The following PLA2G4B variants were observed in gnomAD, a reference collection of about 807,000 sequenced individuals.
PLA2G4B encodes the protein cytosolic phospholipase A2 beta.
PLA2G4B carries 122 observed loss-of-function variants against 95.8 expected under a neutral mutation model. That is an observed-to-expected ratio of 1.27 (90% CI 1.10 to 1.48). The LOEUF (loss-of-function observed/expected upper bound fraction) is 1.48. Among genes scored for constraint, PLA2G4B ranks in the 40% most tolerant of loss-of-function variants. The probability of loss-of-function intolerance (pLI) is 0.00; values close to 1 mark genes in which losing one functional copy is unlikely to be tolerated. For missense variants in PLA2G4B, 1,158 were observed against 996.2 expected, an observed-to-expected ratio of 1.16 and a Z score of -2.19; for synonymous variants, 518 against 421.5, an observed-to-expected ratio of 1.23 and a Z score of -2.80.
Position 41,844,838 on chromosome 15 carries a change from C to A in PLA2G4B, c.1017-10C>A. ...GACAGCCCTCTGGCTTTGGCTTTGGCTTTTCCCAGGGCCTTGGCCAACCTT... is the reference window on the plus strand; with the variant it reads ...GACAGCCCTCTGGCTTTGGCTTTGGATTTTCCCAGGGCCTTGGCCAACCTT... On this transcript the variant is annotated splice_polypyrimidine_tract_variant and intron_variant, in intron 12 of 19. Coordinates refer to ENST00000458483, the MANE Select transcript of PLA2G4B (RefSeq NM_001114633.2). 6.3e-7 allele frequency: 1 copy of A among 1,593,130 alleles called. No homozygotes were observed. Among genetic ancestry groups the A allele is most frequent in the Non-Finnish European group, 8.5e-7 (1 of 1,170,078 alleles).
At chr15:41,844,415 G>A in intron 11 of PLA2G4B, 56 bp from the exon 12 acceptor site, 6 of 1,611,902 alleles carry the variant, frequency 3.7e-6, no homozygotes, top group Non-Finnish European at 3.4e-6. Context: ...TTCTTCCTGT[G>A]ACTTGGCCTT....
chr15:41,844,614 T>C lies in PLA2G4B; in HGVS notation c.1016+7T>C. ...GGGCCTCGGGCTCCACCTGGTGAGC[T>C]GGGGGCAGGCTGATGCTGGACCCTG... On this transcript the variant is annotated splice_region_variant and intron_variant, in intron 12 of 19. Coordinates refer to ENST00000458483, the MANE Select transcript of PLA2G4B (RefSeq NM_001114633.2). The C allele has an allele frequency of 6.2e-7, 1 of 1,614,034 alleles. No individual in the cohort carries two copies. Among genetic ancestry groups the C allele is most frequent in the Non-Finnish European group, 8.5e-7 (1 of 1,180,002 alleles).
chr15:41,842,319 C>T (rs751430203), intron 9 of PLA2G4B, 43 bp downstream of exon 9: 23 of 1,610,690 alleles, frequency 1.4e-5, no homozygotes, highest in Non-Finnish European at 1.4e-5. Context: ...CTGGATGGGG[C>T]TGGGACCCAG....
Position 41,844,864 on chromosome 15 carries a change from T to A in PLA2G4B, c.1033T>A (p.Tyr345Asn), listed in dbSNP as rs2065504523. Residue 345 changes from tyrosine to asparagine, a missense_variant, in exon 13 of 20, where the codon TAT becomes AAT. By Grantham distance (143) the Tyr-to-Asn change is moderately radical (BLOSUM62 -2). Transcript: ENST00000458483. Reference sequence around the variant, plus strand: ...TTTTCCCAGGGCCTTGGCCAACCTTTATGAGGACCCAGAGTGGTCTCAGAA... The same window carrying A: ...TTTTCCCAGGGCCTTGGCCAACCTTAATGAGGACCCAGAGTGGTCTCAGAA... ...SGSTWALANL[Y>N]EDPEWSQKDL... 6.2e-7 allele frequency: 1 copy of A among 1,607,336 alleles called. No individual in the cohort carries two copies. The highest frequency in any genetic ancestry group is 8.5e-7 in the Non-Finnish European group (1 of 1,177,366).
Position 41,842,277 on chromosome 15 carries a change from G to A in PLA2G4B, c.705+1G>A, listed in dbSNP as rs768020056. The A allele has an allele frequency of 3.1e-6, 5 of 1,613,786 alleles. No homozygotes were observed. Among genetic ancestry groups the A allele is most frequent in the Admixed American group, 1.7e-5 (1 of 59,992 alleles). ...GAGGCTTGTCTTCCCCACGTCCCAGGTACTGGCCTCCCAGGGAAGGAAGCA... is the reference window on the plus strand; with the variant it reads ...GAGGCTTGTCTTCCCCACGTCCCAGATACTGGCCTCCCAGGGAAGGAAGCA... On this transcript the variant is annotated splice_donor_variant, in intron 9 of 19. Transcript: ENST00000458483. LOFTEE classifies it high-confidence loss of function.
rs1175901031 is a variant in PLA2G4B, at chr15:41,845,871, G to C, written c.1496-72G>C. 7.9e-6 allele frequency: 12 copies of C among 1,520,696 alleles called. No individual in the cohort carries two copies. In the East Asian group the frequency reaches 2.7e-4, roughly 35 times the overall value. The allele number at this position is 1,520,696 out of a possible 1,614,324, so 94.2% of individuals were successfully genotyped here. A position where few individuals can be genotyped will look rare whatever the true frequency, so the allele number is the denominator to read the frequency against. ...TCGGTCAGAAGAGTTTCCTGGGCCAGGACTGGCCATGGGGAAGGGTAGGAT... is the reference window on the plus strand; with the variant it reads ...TCGGTCAGAAGAGTTTCCTGGGCCACGACTGGCCATGGGGAAGGGTAGGAT... On this transcript the variant is annotated intron_variant, in intron 15 of 19. Transcript: ENST00000458483.
rs1468779267 is a variant in PLA2G4B at position 41,843,860 on chromosome 15, G to A, written c.879+49G>A. ...GTGTCCCCGGGCTTGCTTGGGCCTAGCTCCTGGTGCTGAACACTGGAGCTG... is the reference window on the plus strand; with the variant it reads ...GTGTCCCCGGGCTTGCTTGGGCCTAACTCCTGGTGCTGAACACTGGAGCTG... On this transcript the variant is annotated intron_variant, in intron 11 of 19. Coordinates refer to ENST00000458483, the MANE Select transcript of PLA2G4B (RefSeq NM_001114633.2). 1.9e-6 allele frequency: 3 copies of A among 1,599,938 alleles called. No individual in the cohort carries two copies. The East Asian group carries it at 6.7e-5, about 36-fold the overall frequency.
At chr15:41,840,270 G>C (rs779580470) in intron 2 of PLA2G4B, 40 bp downstream of exon 2, 1 of 1,590,126 alleles carries the variant, frequency 6.3e-7, no homozygotes, top group Admixed American at 1.7e-5. Flanking sequence ...TGGGCTGAGG[G>C]AGGAGGAGGG....
At position 41,848,064 on chromosome 15, in the gene PLA2G4B, A is replaced by AC. The variant is rs1459403025; in HGVS notation, c.*210dup. 4.5e-6 allele frequency: 3 copies of AC among 667,782 alleles called. No individual in the cohort carries two copies. Among genetic ancestry groups the AC allele is most frequent in the Admixed American group, 3.0e-5 (1 of 33,822 alleles). The allele number at this position is 667,782 out of a possible 1,614,324, so 41.4% of individuals were successfully genotyped here. The stretch of plus-strand genomic sequence containing the variant: ...AAGCCCATTTGTGTAATCACCCAAA[A>AC]CCCCCCGGCCTGTGCCTGTTTTCCC... On this transcript the variant is annotated 3_prime_UTR_variant, in exon 20 of 20. Coordinates refer to ENST00000458483, the MANE Select transcript of PLA2G4B (RefSeq NM_001114633.2).
Position 41,842,128 on chromosome 15 carries a change from G to A in PLA2G4B, c.622-65G>A, listed in dbSNP as rs946944959. On this transcript the variant is annotated intron_variant, in intron 8 of 19. Transcript: ENST00000458483. Reference sequence around the variant, plus strand: ...ACTCTATGGCTGCCGGCGGGAGTTTGGTGAGGTCTTTGCTAGGAGTGGAAG... The same window carrying A: ...ACTCTATGGCTGCCGGCGGGAGTTTAGTGAGGTCTTTGCTAGGAGTGGAAG... The A allele has an allele frequency of 1.9e-6, 3 of 1,598,666 alleles. No individual in the cohort carries two copies. The African/African-American group carries it at 4.0e-5, about 21-fold the overall frequency.
chr15:41,842,528 G>C, intron 9 of PLA2G4B, 26 bp from the exon 10 acceptor site: 1 of 1,611,746 alleles, frequency 6.2e-7, no homozygotes, highest in Non-Finnish European at 8.5e-7. Context: ...CCGACCTTTT[G>C]TGACTGGGGC....
rs1026146418 is a variant in PLA2G4B at position 41,846,255 on chromosome 15, C to T, written c.1653C>T (p.Gly551=). 1.2e-6 allele frequency: 2 copies of T among 1,614,080 alleles called. No individual in the cohort carries two copies. The highest frequency in any genetic ancestry group is 1.7e-6 in the Non-Finnish European group (2 of 1,179,982). The change falls in exon 17 of 20, where the codon GGC becomes GGT. Residue 551 remains glycine (G), a synonymous_variant. Transcript: ENST00000458483. ...LKIEEPPSTA[G]RIAEFFTDLL... ...TAGAAGAACCACCCTCAACAGCCGG[C>T]AGGATAGCTGAGTTTTTCACCGATC... is the stretch of plus-strand genomic sequence containing the variant.
At chr15:41,842,775 A>G in intron 10 of PLA2G4B, 184 bp downstream of exon 10, 1 of 913,714 alleles carries the variant, frequency 1.1e-6, no homozygotes, top group Non-Finnish European at 1.6e-6. Context: ...GAGTCTTAGC[A>G]CCTATGGTCA....
chr15:41,845,525 A>G (rs2065522976), intron 14 of PLA2G4B, 113 bp from the exon 15 acceptor site: 2 of 1,517,944 alleles, frequency 1.3e-6, no homozygotes, highest in East Asian at 4.6e-5. Context: ...CCCAGGCCAC[A>G]AGGCCTGGGC....
chr15:41,841,991 C>G (rs755105200), intron 8 of PLA2G4B, 42 bp downstream of exon 8: 31 of 1,589,916 alleles, frequency 1.9e-5, no homozygotes, highest in Middle Eastern at 3.5e-4. Context: ...CCCAGAACTT[C>G]CTCCCTCCCT....
At position 41,841,573 on chromosome 15, in the gene PLA2G4B, T is replaced by C; in HGVS notation, c.490+2T>C. On this transcript the variant is annotated splice_donor_variant, in intron 7 of 19. Coordinates refer to ENST00000458483, the MANE Select transcript of PLA2G4B (RefSeq NM_001114633.2). LOFTEE classifies it high-confidence loss of function. ...TGGAGGAGACAGGAGACCAGAAGTG[T>C]GAGTCCCCAACCCACTGGGACAGCC... 6.2e-7 allele frequency: 1 copy of C among 1,613,938 alleles called. No individual in the cohort carries two copies. The highest frequency in any genetic ancestry group is 2.2e-5 in the East Asian group (1 of 44,860).
rs1406092414 is a variant in PLA2G4B, at chr15:41,845,217, G to A, written c.1254G>A (p.Lys418=). ...ALLHDEPHDH[K]LSDQREALSH... is the part of the protein sequence containing the mutation. ...TCTTTCCCCAGCCCCATGATCACAA[G>A]CTCTCAGATCAACGGGAGGCCCTGA... The change falls in exon 14 of 20, where the codon AAG becomes AAA. Residue 418 remains lysine (K), a synonymous_variant. Coordinates refer to ENST00000458483, the MANE Select transcript of PLA2G4B (RefSeq NM_001114633.2). The A allele has an allele frequency of 6.2e-7, 1 of 1,614,166 alleles. No individual in the cohort carries two copies. Among genetic ancestry groups the A allele is most frequent in the South Asian group, 1.1e-5 (1 of 91,080 alleles).
intron 11 of PLA2G4B, among the ~76,000 whole-genome samples, chr15:41,844,122 G>T (rs1210157512): frequency 6.6e-6 from 1 of 152,198 alleles, no homozygotes; most frequent in East Asian, 1.9e-4. Context: ...GCTTCAGGAG[G>T]TTCATATTAG....
chr15:41,846,713 C>T lies in PLA2G4B; in HGVS notation c.1825C>T (p.Pro609Ser). ...CCCCAACCAGCTGACACCCTCGGAG[C>T]CCCACCTGTGCCTGCTGGATGTTGG... ...GLPNQLTPSE[P>S]HLCLLDVGYL... is the part of the protein sequence containing the mutation. Residue 609 changes from proline (P) to serine (S), a missense_variant, in exon 18 of 20, where the codon CCC (proline) becomes TCC (serine). Pro to Ser is a moderately conservative substitution (Grantham distance 74). Coordinates refer to ENST00000458483, the MANE Select transcript of PLA2G4B (RefSeq NM_001114633.2). 6 of 1,613,880 alleles carry T rather than the reference C, an allele frequency of 3.7e-6. No homozygotes were observed. Among genetic ancestry groups the T allele is most frequent in the Non-Finnish European group, 5.1e-6 (6 of 1,179,874 alleles).
Sources: gnomAD v4.1 joint callset for allele counts (sites outside exome capture counted in the v4.1 genomes callset) on GRCh38, gnomAD v4.1.1 for gene constraint, MANE v1.5 for transcripts, NCBI Gene and HGNC (gene_info 2026-07-23, HGNC 2026-07-21) for gene names.